The following MACROD2 variants were observed in gnomAD, a reference collection of about 807,000 sequenced individuals.
The protein encoded by MACROD2 is ADP-ribose glycohydrolase MACROD2.
MACROD2 carries 36 observed loss-of-function variants against 70.4 expected under a neutral mutation model. The observed-to-expected ratio is 0.51, with a 90% CI of 0.39 to 0.68. MACROD2 has a LOEUF of 0.68. MACROD2 is among the 30% of genes least tolerant of loss of function. The pLI is 0.00. For missense variants in MACROD2, 496 were observed against 538.4 expected (o/e 0.92, Z 0.78); for synonymous variants, 172 against 178.8 (o/e 0.96, Z 0.30).
intron 8 of MACROD2, among the ~76,000 whole-genome samples, chr20:15,639,310 A>C (rs2327957): frequency 6.6e-6 from 1 of 152,240 alleles, no homozygotes; most frequent in Non-Finnish European, 1.5e-5. Context: ...TGAAGAATTC[A>C]TAATCAGAAC....
intron 3 of MACROD2, among the ~76,000 whole-genome samples, chr20:14,320,663 ATTTTT>A (rs11087086): frequency 9.9e-4 from 123 of 123,678 alleles, no homozygotes; most frequent in Middle Eastern, 4.8e-3. Flanking sequence ...CACCTTTGGA[ATTTTT>A]TTTTTTTTTT....
At position 15,234,749 on chromosome 20, in the gene MACROD2, G is replaced by A. The variant is rs150955313; in HGVS notation, c.540+4688G>A. On this transcript the variant is annotated intron_variant, in intron 6 of 17. Transcript: ENST00000684519. ...TTGGTGAAAATCTTGGTGAAATCTC[G>A]GGGTGAGCGTAGGGGTGAAGACAAG... Among the ~76,000 whole-genome samples the A allele has an allele frequency of 1.9e-3, 293 of 152,180 alleles. 2 individuals carry two copies. The highest frequency in any genetic ancestry group is 6.6e-3 in the African/African-American group (275 of 41,532).
intron 8 of MACROD2, among the ~76,000 whole-genome samples, chr20:15,682,527 G>T (rs961384962): frequency 1.3e-5 from 2 of 152,278 alleles, no homozygotes; most frequent in Admixed American, 6.5e-5. Flanking sequence ...TAAATGCAAA[G>T]ATTTTTCTTC....
At chr20:15,292,259 T>C (rs1441657969) in intron 6 of MACROD2, among the ~76,000 whole-genome samples, 1 of 152,162 alleles carries the variant, frequency 6.6e-6, no homozygotes, top group Non-Finnish European at 1.5e-5. Context: ...TGGAATTGTA[T>C]AACTGTAAAC....
chr20:14,943,077 A>G (rs1358063850), intron 5 of MACROD2, among the ~76,000 whole-genome samples: 2 of 152,222 alleles, frequency 1.3e-5, no homozygotes, highest in African/African-American at 2.4e-5. Context: ...AATTAAATAA[A>G]CCTTTTGCAT....
chr20:14,465,039 T>A (rs1258499588), intron 3 of MACROD2, among the ~76,000 whole-genome samples: 2 of 152,106 alleles, frequency 1.3e-5, no homozygotes, highest in East Asian at 1.9e-4. Flanking sequence ...GTTCTGTAGA[T>A]GTCTATTAGG....
At chr20:14,732,998 A>G (rs774483318) in intron 5 of MACROD2, among the ~76,000 whole-genome samples, 1 of 152,188 alleles carries the variant, frequency 6.6e-6, no homozygotes, top group Non-Finnish European at 1.5e-5. Flanking sequence ...CCACACTTGA[A>G]GATAATTGAA....
chr20:15,172,113 A>G (rs943606013), intron 5 of MACROD2, among the ~76,000 whole-genome samples: 2 of 152,218 alleles, frequency 1.3e-5, no homozygotes, highest in African/African-American at 4.8e-5. Context: ...GAGATCAATC[A>G]TAGGAGTCAG....
rs116886331 is a variant in MACROD2 at position 14,451,305 on chromosome 20, C to T, written c.272-42174C>T. The stretch of plus-strand genomic sequence containing the variant: ...AAAAACAGAAAAATTTAAAATTAGC[C>T]GGGCGTGGTGGCACATGCCTGTAAT... On this transcript the variant is annotated intron_variant, in intron 3 of 17. Transcript: ENST00000684519. 1.2e-4 allele frequency among the ~76,000 whole-genome samples: 19 copies of T among 152,160 alleles called. No homozygotes were observed. In the East Asian group the frequency reaches 2.3e-3, roughly 19 times the overall value.
chr20:14,773,493 T>C (rs527407924), intron 5 of MACROD2, among the ~76,000 whole-genome samples: 91 of 152,250 alleles, frequency 6.0e-4, no homozygotes, highest in Admixed American at 4.6e-3. Flanking sequence ...TCTAATTTCT[T>C]TCACTTAGCA....
chr20:14,667,866 C>T (rs1056573755), intron 4 of MACROD2, among the ~76,000 whole-genome samples: 1 of 152,136 alleles, frequency 6.6e-6, no homozygotes, highest in Non-Finnish European at 1.5e-5. Context: ...GAATCGAAAG[C>T]TCTCAGAGCT....
At chr20:15,928,127 T>G (rs998404619) in intron 10 of MACROD2, among the ~76,000 whole-genome samples, 2 of 152,210 alleles carry the variant, frequency 1.3e-5, no homozygotes, top group South Asian at 4.1e-4. Flanking sequence ...ATTGTGGTTA[T>G]GAAAAAGAAT....
At chr20:14,532,605 C>A (rs1484585442) in intron 4 of MACROD2, among the ~76,000 whole-genome samples, 1 of 152,106 alleles carries the variant, frequency 6.6e-6, no homozygotes, top group Non-Finnish European at 1.5e-5. Flanking sequence ...CATTTATAGT[C>A]ATTCAATGTT....
intron 4 of MACROD2, among the ~76,000 whole-genome samples, chr20:14,528,077 A>T (rs917221313): frequency 6.6e-6 from 1 of 152,022 alleles, no homozygotes. Flanking sequence ...AATATAAGAT[A>T]AAATCTGACC....
Position 15,613,474 on chromosome 20 carries a change from C to G in MACROD2, c.645+113627C>G, listed in dbSNP as rs542825982. On this transcript the variant is annotated intron_variant, in intron 8 of 17. Transcript: ENST00000684519. Reference sequence around the variant, plus strand: ...GACATCAAACCTTCATTTTTTCTCTCCCTATGAACTCTAAAATCATTTTAA... The same window carrying G: ...GACATCAAACCTTCATTTTTTCTCTGCCTATGAACTCTAAAATCATTTTAA... 3.3e-5 allele frequency among the ~76,000 whole-genome samples: 5 copies of G among 152,252 alleles called. No individual in the cohort carries two copies. The South Asian group carries it at 1.0e-3, about 32-fold the overall frequency.
intron 3 of MACROD2, among the ~76,000 whole-genome samples, chr20:14,478,455 G>C (rs907772297): frequency 6.6e-6 from 1 of 152,160 alleles, no homozygotes; most frequent in Non-Finnish European, 1.5e-5. Context: ...CTCTCTGGCT[G>C]CTTTCAAGCT....
At chr20:14,689,182 T>C (rs1247194055) in intron 5 of MACROD2, among the ~76,000 whole-genome samples, 2 of 152,210 alleles carry the variant, frequency 1.3e-5, no homozygotes, top group Non-Finnish European at 2.9e-5. Context: ...CTTACCTACC[T>C]CAAACTCTTG....
At chr20:14,402,374 T>G (rs2083646808) in intron 3 of MACROD2, among the ~76,000 whole-genome samples, 1 of 152,214 alleles carries the variant, frequency 6.6e-6, no homozygotes, top group South Asian at 2.1e-4. Flanking sequence ...CATCCTTAAT[T>G]CTTGCCTTTT....
chr20:14,610,658 ATAAT>A (rs1355884244), intron 4 of MACROD2, among the ~76,000 whole-genome samples: 1 of 152,080 alleles, frequency 6.6e-6, no homozygotes, highest in Non-Finnish European at 1.5e-5. Flanking sequence ...TCTATTTTAA[ATAAT>A]TCTGGAAATA....
Sources: gnomAD v4.1 joint callset for allele counts (sites outside exome capture counted in the v4.1 genomes callset) on GRCh38, gnomAD v4.1.1 for gene constraint, MANE v1.5 for transcripts, NCBI Gene and HGNC (gene_info 2026-07-23, HGNC 2026-07-21) for gene names.